The following MGAT4C variants were observed in gnomAD, a reference collection of about 807,000 sequenced individuals.
MGAT4C encodes alpha-1,3-mannosyl-glycoprotein 4-beta-N-acetylglucosaminyltransferase C.
Under a neutral mutation model 40.1 loss-of-function variants are expected in MGAT4C, and 19 were observed. The ratio of observed to expected loss-of-function variants is 0.47; its 90% confidence interval spans 0.33 to 0.70. MGAT4C has a LOEUF of 0.70. Ranked by LOEUF, MGAT4C falls within the 30% of genes least tolerant of loss-of-function variation. The pLI is 0.02. For synonymous variants in MGAT4C, 181 were observed against 187.1 expected (o/e 0.97, Z 0.27); for missense variants, 491 against 563.2 (o/e 0.87, Z 1.30).
Position 86,413,278 on chromosome 12 carries a change from C to T in MGAT4C, c.-120+21879G>A, listed in dbSNP as rs558365874. Among the ~76,000 whole-genome samples, 190 of 152,162 alleles carry T rather than the reference C, an allele frequency of 1.2e-3. No individual in the cohort carries two copies. In the Middle Eastern group the frequency reaches 0.024, roughly 19 times the overall value. ...GAAAGAGAAGAGGGATAGATGACTT[C>T]GCTCTTCTGGGTTTCAGCTAAAAAT... On this transcript the variant is annotated intron_variant, in intron 3 of 7. Transcript: ENST00000548651.
chr12:86,438,518 C>T (rs1354872627), intron 2 of MGAT4C, among the ~76,000 whole-genome samples: 2 of 151,880 alleles, frequency 1.3e-5, no homozygotes, highest in South Asian at 4.1e-4. Context: ...GATAATGAAA[C>T]AGCCTTCTAA....
rs71076198 is a variant in MGAT4C at position 86,408,479 on chromosome 12, C to CTATATA, written c.-120+26672_-120+26677dup. ...TCTCTCTCTCTCTCTCTCTCTCTCT[C>CTATATA]TATATATATATATATATATATATAT... On this transcript the variant is annotated intron_variant, in intron 3 of 7. Transcript: ENST00000548651. 3.4e-3 allele frequency among the ~76,000 whole-genome samples: 215 copies of CTATATA among 63,294 alleles called. 6 individuals are homozygous for CTATATA. Among genetic ancestry groups the CTATATA allele is most frequent in the Non-Finnish European group, 3.4e-3 (127 of 37,196 alleles). The allele number at this position is 63,294 out of a possible 152,430, so 41.5% of individuals were successfully genotyped here. A position where few individuals can be genotyped will look rare whatever the true frequency, so the allele number is the denominator to read the frequency against.
At chr12:86,061,833 C>G (rs1894003910) in intron 1 of MGAT4C, among the ~76,000 whole-genome samples, 1 of 152,140 alleles carries the variant, frequency 6.6e-6, no homozygotes. Flanking sequence ...GATTTTTCCT[C>G]TCTGGGCAGG....
chr12:86,779,785 C>T (rs1005688415), intron 1 of MGAT4C, among the ~76,000 whole-genome samples: 15 of 151,718 alleles, frequency 9.9e-5, no homozygotes, highest in African/African-American at 3.6e-4. Flanking sequence ...TGGTGGCGGG[C>T]GCCTGTAGTC....
chr12:86,672,301 T>G (rs1478903442), intron 2 of MGAT4C, among the ~76,000 whole-genome samples: 1 of 152,002 alleles, frequency 6.6e-6, no homozygotes, highest in African/African-American at 2.4e-5. Context: ...ACAGGGAAAT[T>G]TAGGGCTATA....
intron 1 of MGAT4C, among the ~76,000 whole-genome samples, chr12:86,191,366 C>T (rs549173168): frequency 6.6e-6 from 1 of 151,994 alleles, no homozygotes; most frequent in African/African-American, 2.4e-5. Context: ...CGTGAAATGT[C>T]TCCATTGAAT....
At chr12:86,742,619 C>T (rs556323466) in intron 1 of MGAT4C, among the ~76,000 whole-genome samples, 52 of 151,440 alleles carry the variant, frequency 3.4e-4, no homozygotes, top group African/African-American at 9.9e-4. Context: ...ATTAGTGGAC[C>T]TGAAGACTAC....
At chr12:86,496,823 C>A (rs1355769493) in intron 2 of MGAT4C, among the ~76,000 whole-genome samples, 1 of 151,898 alleles carries the variant, frequency 6.6e-6, no homozygotes, top group Admixed American at 6.6e-5. Flanking sequence ...ATGTATGAGT[C>A]ATGTAATTGC....
intron 2 of MGAT4C, among the ~76,000 whole-genome samples, chr12:86,721,244 T>C (rs1238985776): frequency 2.0e-5 from 3 of 152,060 alleles, no homozygotes; most frequent in African/African-American, 4.8e-5. Context: ...CCTGTAATCA[T>C]TTAAAAAAGA....
intron 2 of MGAT4C, among the ~76,000 whole-genome samples, chr12:86,012,805 C>A (rs1380142597): frequency 7.3e-5 from 11 of 151,366 alleles, no homozygotes; most frequent in East Asian, 2.0e-4. Context: ...CCACCACCAC[C>A]ACCACCACCA....
intron 1 of MGAT4C, among the ~76,000 whole-genome samples, chr12:86,127,847 G>A (rs1299820236): frequency 4.6e-5 from 7 of 152,018 alleles, no homozygotes; most frequent in African/African-American, 1.2e-4. Flanking sequence ...CAAGTGGAGC[G>A]GTCATCTCCT....
At chr12:86,323,469 C>T (rs983221715) in intron 4 of MGAT4C, among the ~76,000 whole-genome samples, 2 of 150,702 alleles carry the variant, frequency 1.3e-5, no homozygotes, top group Non-Finnish European at 3.0e-5. Context: ...TATTTAGGAT[C>T]GTAAAATAAG....
In MGAT4C at chr12:85,956,599, A is replaced by T. The variant is rs756674826; in HGVS notation, c.*22690T>A. On this transcript the variant is annotated 3_prime_UTR_variant, in exon 5 of 5. Coordinates refer to ENST00000611864, the MANE Select transcript of MGAT4C (RefSeq NM_001351288.2). ...ATATTTGATTCAATCAAACAGCATT[A>T]CTTGGTATGGTGTAGAGAAAACAAA... is the stretch of plus-strand genomic sequence containing the variant. 10 of 152,142 alleles carry T rather than the reference A, an allele frequency of 6.6e-5. No homozygotes were observed. Among genetic ancestry groups the T allele is most frequent in the Non-Finnish European group, 1.5e-4 (10 of 68,008 alleles). The allele number at this position is 152,142 out of a possible 1,614,324, so 9.4% of individuals were successfully genotyped here.
rs569089644 is a variant in MGAT4C, at chr12:86,578,373, T to A, written c.-228-143108A>T. ...TCTTTCTCTGGCTTTGGTATCAGGG[T>A]AACACTGGCCTCATAGAATGAATTT... On this transcript the variant is annotated intron_variant, in intron 2 of 7. Transcript: ENST00000548651. Among the ~76,000 whole-genome samples the A allele has an allele frequency of 2.3e-4, 35 of 152,012 alleles. No individual in the cohort carries two copies. In the Middle Eastern group the frequency reaches 0.01, roughly 44 times the overall value.
chr12:86,586,119 G>T (rs1748867702), intron 2 of MGAT4C, among the ~76,000 whole-genome samples: 1 of 106,554 alleles, frequency 9.4e-6, no homozygotes. Context: ...CCCCACAACA[G>T]TCCCCAGAGT....
rs553569165 is a variant in MGAT4C, at chr12:86,297,859, A to T, written c.-57+36206T>A. Among the ~76,000 whole-genome samples, 18 of 152,318 alleles carry T rather than the reference A, an allele frequency of 1.2e-4. No individual in the cohort carries two copies. The South Asian group carries it at 3.5e-3, about 30-fold the overall frequency. On this transcript the variant is annotated intron_variant, in intron 4 of 7. Transcript: ENST00000548651. ...CATACATAAATAAAACAGAAAGGAG[A>T]GGTCATTTAAATATGAGAGCTTGAT...
At chr12:86,757,616 C>A (rs1477643932) in intron 1 of MGAT4C, among the ~76,000 whole-genome samples, 2 of 152,084 alleles carry the variant, frequency 1.3e-5, no homozygotes, top group African/African-American at 4.8e-5. Flanking sequence ...GTGATACCTG[C>A]ATAGAGTTTA....
chr12:86,166,503 C>G (rs550196625), intron 1 of MGAT4C, among the ~76,000 whole-genome samples: 7 of 152,246 alleles, frequency 4.6e-5, no homozygotes, highest in African/African-American at 1.7e-4. Context: ...GAAACCCCAT[C>G]TCTACTAAAA....
At chr12:86,178,648 G>A (rs1010456658) in intron 1 of MGAT4C, among the ~76,000 whole-genome samples, 1 of 152,128 alleles carries the variant, frequency 6.6e-6, no homozygotes, top group Non-Finnish European at 1.5e-5. Context: ...GATTAGTTAA[G>A]CTAATGACTG....
Sources: gnomAD v4.1 joint callset for allele counts (sites outside exome capture counted in the v4.1 genomes callset) on GRCh38, gnomAD v4.1.1 for gene constraint, MANE v1.5 for transcripts, NCBI Gene and HGNC (gene_info 2026-07-23, HGNC 2026-07-21) for gene names.